Variants in FAM149A observed in about 807,000 individuals in gnomAD.
FAM149A encodes protein FAM149A.
A neutral mutation model predicts 78.2 loss-of-function variants in FAM149A; 71 were observed. The observed-to-expected ratio is 0.91, with a 90% CI of 0.75 to 1.11. The LOEUF is 1.11. Among genes scored for constraint, FAM149A ranks in the 50% least tolerant of loss-of-function variants. The pLI is 0.00. For missense variants in FAM149A, 1,036 were observed against 971.0 expected (o/e 1.07, Z -0.89); for synonymous variants, 446 against 410.5 (o/e 1.09, Z -1.04).
chr4:186,164,651 G>T lies in FAM149A; in HGVS notation c.1890-693G>T. Reference sequence around the variant, plus strand: ...CCCCCCATGCCAGTCAGCAGCACACGGTGCCAGTCAGCAACACATGGCAGG... The same window carrying T: ...CCCCCCATGCCAGTCAGCAGCACACTGTGCCAGTCAGCAACACATGGCAGG... On this transcript the variant is annotated intron_variant, in intron 10 of 13. Coordinates refer to ENST00000389354, the MANE Select transcript of FAM149A (RefSeq NM_001367768.3). The surrounding 1 kb of genome is among the most constrained non-coding windows in gnomAD (Gnocchi z 4.0). The T allele has an allele frequency of 4.5e-6, 1 of 223,068 alleles. No homozygotes were observed. Among genetic ancestry groups the T allele is most frequent in the Non-Finnish European group, 7.5e-6 (1 of 133,004 alleles). The allele number at this position is 223,068 out of a possible 1,614,324, so 13.8% of individuals were successfully genotyped here.
rs986209355 is a variant in FAM149A at position 186,167,726 on chromosome 4, T to A, written c.2218+464T>A. The A allele has an allele frequency of 1.2e-5, 3 of 254,890 alleles. No homozygotes were observed. The East Asian group carries it at 2.8e-4, about 24-fold the overall frequency. 15.8% of individuals were successfully genotyped at this position (254,890 alleles called of 1,614,324 possible). A position where few individuals can be genotyped will look rare whatever the true frequency, so the allele number is the denominator to read the frequency against. ...TAGGTATTCTCAGCCTGGTATGCTG[T>A]TTGCAGGATATTCTAGTTTGAATAC... On this transcript the variant is annotated intron_variant, in intron 13 of 13. Transcript: ENST00000389354.
At chr4:186,120,720 G>C (rs2099315635) in intron 1 of FAM149A, among the ~76,000 whole-genome samples, 1 of 148,956 alleles carries the variant, frequency 6.7e-6, no homozygotes, top group Non-Finnish European at 1.5e-5. Context: ...CTGGAACCAG[G>C]GAGGTGGAGC....
At chr4:186,167,979 G>A (rs2289256) in intron 13 of FAM149A, among the ~76,000 whole-genome samples, 28,528 of 152,152 alleles carry the variant, frequency 0.19, 6,277 homozygotes, top group African/African-American at 0.54. Flanking sequence ...TACCAGGCAT[G>A]TATTGCTCAG....
intron 1 of FAM149A, among the ~76,000 whole-genome samples, chr4:186,140,912 T>C (rs1007756405): frequency 1.3e-5 from 2 of 152,222 alleles, no homozygotes; most frequent in African/African-American, 4.8e-5. Flanking sequence ...ATTTAGCTCA[T>C]TGATTATGGA....
chr4:186,106,020 C>T (rs1342456818), intron 1 of FAM149A, among the ~76,000 whole-genome samples: 1 of 152,180 alleles, frequency 6.6e-6, no homozygotes, highest in Non-Finnish European at 1.5e-5. Flanking sequence ...ACCGAATACA[C>T]ACGTCTGCAG....
At position 186,116,841 on chromosome 4, in the gene FAM149A, A is replaced by G. The variant is rs1408067006; in HGVS notation, c.566+11199A>G. ...TTTTCTAAGTTCTTATCCAACAAGC[A>G]TGGCCCTTGTGCCAAGCTCATAATG... On this transcript the variant is annotated intron_variant, in intron 1 of 13. Coordinates refer to ENST00000389354, the MANE Select transcript of FAM149A (RefSeq NM_001367768.3). 3 of 840,264 alleles carry G rather than the reference A, an allele frequency of 3.6e-6. No homozygotes were observed. The African/African-American group carries it at 5.5e-5, about 15-fold the overall frequency. The allele number at this position is 840,264 out of a possible 1,614,324, so 52.1% of individuals were successfully genotyped here. A position where few individuals can be genotyped will look rare whatever the true frequency, so the allele number is the denominator to read the frequency against.
At chr4:186,169,424 A>G (rs1561420847) in intron 13 of FAM149A, 1 of 985,270 alleles carries the variant, frequency 1.0e-6, no homozygotes, top group Non-Finnish European at 1.2e-6. Context: ...GGTGAGGCAC[A>G]TGTGGCCTCA....
intron 13 of FAM149A, chr4:186,169,336 G>A: frequency 1.0e-6 from 1 of 985,432 alleles, no homozygotes. Flanking sequence ...ACGACGTAGA[G>A]AGAACGCGGC....
intron 8 of FAM149A, among the ~76,000 whole-genome samples, chr4:186,159,821 G>T (rs1398998682): frequency 6.9e-6 from 1 of 145,774 alleles, no homozygotes; most frequent in African/African-American, 2.5e-5. Flanking sequence ...CCCACCTTGT[G>T]GGGGGAGCAG....
In FAM149A at chr4:186,127,338, G is replaced by T. The variant is rs1450863839; in HGVS notation, c.566+21696G>T. 9 of 985,308 alleles carry T rather than the reference G, an allele frequency of 9.1e-6. No homozygotes were observed. In the African/African-American group the frequency reaches 1.4e-4, roughly 15 times the overall value. The allele number at this position is 985,308 out of a possible 1,614,324, so 61.0% of individuals were successfully genotyped here. The stretch of plus-strand genomic sequence containing the variant: ...GTATAAGAAGTAGGTTTACTTCACA[G>T]TAAACATCCTTCCAGTCTACCTGGA... On this transcript the variant is annotated intron_variant, in intron 1 of 13. Transcript: ENST00000389354.
intron 8 of FAM149A, 101 bp downstream of exon 8, chr4:186,157,820 G>T (rs972546015): frequency 6.4e-7 from 1 of 1,558,418 alleles, no homozygotes; most frequent in East Asian, 2.3e-5. Flanking sequence ...ATTTGGGGCT[G>T]CTTTCCACGC....
At chr4:186,151,730 C>T (rs944551466) in intron 3 of FAM149A, 173 bp from the exon 4 acceptor site, 1 of 985,316 alleles carries the variant, frequency 1.0e-6, no homozygotes, top group Non-Finnish European at 1.2e-6. Flanking sequence ...TGGCATTTCT[C>T]AGAAAGGTAA....
intron 1 of FAM149A, chr4:186,127,246 A>G: frequency 7.2e-6 from 7 of 967,094 alleles, no homozygotes; most frequent in Non-Finnish European, 8.6e-6. Flanking sequence ...CTGCATGCCC[A>G]CAAATCTCAA....
intron 13 of FAM149A, among the ~76,000 whole-genome samples, 188 bp from the exon 14 acceptor site, chr4:186,171,725 AG>A (rs1416020638): frequency 4.6e-5 from 7 of 152,262 alleles, no homozygotes; most frequent in African/African-American, 1.4e-4. Context: ...ATTTTGGGGG[AG>A]CACACTTCCT....
chr4:186,111,507 T>A (rs1164958338), intron 1 of FAM149A, among the ~76,000 whole-genome samples: 1 of 152,114 alleles, frequency 6.6e-6, no homozygotes, highest in Non-Finnish European at 1.5e-5. Flanking sequence ...TAGGTTTTCT[T>A]CTAGGGTTTT....
intron 1 of FAM149A, chr4:186,125,111 G>T: frequency 4.0e-6 from 1 of 249,368 alleles, no homozygotes; most frequent in Non-Finnish European, 6.4e-6. Flanking sequence ...TGATGGGCTT[G>T]TCATTTTTAT....
rs2099308244 is a variant in FAM149A at position 186,105,157 on chromosome 4, C to T, written c.81C>T (p.Ser27=). 7.8e-7 allele frequency: 1 copy of T among 1,279,592 alleles called. No individual in the cohort carries two copies. The highest frequency in any genetic ancestry group is 1.0e-6 in the Non-Finnish European group (1 of 984,624). The allele number at this position is 1,279,592 out of a possible 1,614,324, so 79.3% of individuals were successfully genotyped here. The change falls in exon 1 of 14, where the codon TCC becomes TCT. Residue 27 remains serine (S), a synonymous_variant. Coordinates refer to ENST00000389354, the MANE Select transcript of FAM149A (RefSeq NM_001367768.3). The stretch of plus-strand genomic sequence containing the variant: ...CGACGGCGCCCCCCGCAGGCCCCTC[C>T]TCCAGACCCTCGGGAGGTGCTGCCG...
intron 13 of FAM149A, among the ~76,000 whole-genome samples, chr4:186,168,256 T>C (rs566926875): frequency 6.6e-6 from 1 of 152,330 alleles, no homozygotes; most frequent in African/African-American, 2.4e-5. Context: ...TTTTTGTTGC[T>C]TTTCTTGTAT....
At chr4:186,130,174 G>A (rs11730139) in intron 1 of FAM149A, 14,743 of 151,352 alleles carry the variant, frequency 0.097, 805 homozygotes, top group South Asian at 0.14. Context: ...ACACAGATAG[G>A]AGGTAACTGT....
Sources: gnomAD v4.1 joint callset for allele counts (sites outside exome capture counted in the v4.1 genomes callset) on GRCh38, gnomAD v4.1.1 for gene constraint, Gnocchi (gnomAD v3.1) non-coding constraint, MANE v1.5 for transcripts, NCBI Gene and HGNC (gene_info 2026-07-23, HGNC 2026-07-21) for gene names.